The following ATL2 variants were observed in gnomAD, a reference collection of about 807,000 sequenced individuals.
ATL2 encodes atlastin-2.
ATL2 carries 31 observed loss-of-function variants against 73.9 expected under a neutral mutation model. That is an observed-to-expected ratio of 0.42 (90% CI 0.32 to 0.57). The LOEUF (loss-of-function observed/expected upper bound fraction) is 0.57. ATL2 is among the 20% of genes least tolerant of loss of function. The probability of loss-of-function intolerance (pLI) is 0.14; values close to 1 mark genes in which losing one functional copy is unlikely to be tolerated. For synonymous variants in ATL2, 291 were observed against 237.5 expected (o/e 1.23, Z -2.07); for missense variants, 738 against 702.6 (o/e 1.05, Z -0.57).
At chr2:38,312,572 G>A (rs914844094) in intron 7 of ATL2, among the ~76,000 whole-genome samples, 5 of 152,228 alleles carry the variant, frequency 3.3e-5, no homozygotes, top group South Asian at 4.1e-4. Context: ...TATGCCAGGC[G>A]TGGTGGCGGG....
chr2:38,371,266 G>A (rs977303810), intron 1 of ATL2, among the ~76,000 whole-genome samples: 1 of 151,266 alleles, frequency 6.6e-6, no homozygotes, highest in South Asian at 2.1e-4. Flanking sequence ...CCAACACTTG[G>A]GAGGCAGAGA....
intron 1 of ATL2, among the ~76,000 whole-genome samples, chr2:38,370,439 A>C: frequency 8.4e-6 from 1 of 119,758 alleles, no homozygotes; most frequent in African/African-American, 3.3e-5. Context: ...ACAGAGTGAG[A>C]CTCTGTCCCA....
At chr2:38,345,368 G>A (rs1573537833) in intron 1 of ATL2, among the ~76,000 whole-genome samples, 1 of 152,120 alleles carries the variant, frequency 6.6e-6, no homozygotes, top group African/African-American at 2.4e-5. Context: ...CTACATTAGT[G>A]GATTTTTAAT....
intron 2 of ATL2, among the ~76,000 whole-genome samples, chr2:38,319,867 G>A (rs1668224310): frequency 6.6e-6 from 1 of 152,028 alleles, no homozygotes; most frequent in African/African-American, 2.4e-5. Context: ...TAGCACTTTG[G>A]GAGGACGAGG....
intron 1 of ATL2, among the ~76,000 whole-genome samples, chr2:38,356,422 C>A (rs1165670520): frequency 1.3e-5 from 2 of 151,784 alleles, no homozygotes; most frequent in African/African-American, 4.8e-5. Context: ...CTCCTGGGCT[C>A]AAGTGATCCA....
intron 6 of ATL2, among the ~76,000 whole-genome samples, chr2:38,313,531 A>G (rs1042677979): frequency 6.6e-6 from 1 of 152,244 alleles, no homozygotes; most frequent in Non-Finnish European, 1.5e-5. Flanking sequence ...TGGGTGTATC[A>G]GGACACACGG....
intron 1 of ATL2, chr2:38,358,607 G>A (rs1670817900): frequency 3.7e-6 from 1 of 268,456 alleles, no homozygotes; most frequent in Non-Finnish European, 8.0e-6. Flanking sequence ...CCGGAGAATG[G>A]CGTGGACCCA....
At chr2:38,307,833 C>T (rs1461444673) in intron 9 of ATL2, among the ~76,000 whole-genome samples, 8 of 151,960 alleles carry the variant, frequency 5.3e-5, no homozygotes, top group Non-Finnish European at 7.4e-5. Flanking sequence ...CAAAAGGAGA[C>T]AAACAAATGG....
chr2:38,305,480 T>G (rs561111289), intron 9 of ATL2, among the ~76,000 whole-genome samples: 1 of 151,742 alleles, frequency 6.6e-6, no homozygotes, highest in Non-Finnish European at 1.5e-5. Flanking sequence ...ACCTGGGAGG[T>G]AGAGGTTGCA....
intron 2 of ATL2, among the ~76,000 whole-genome samples, chr2:38,337,594 A>G (rs748393686): frequency 1.0e-4 from 15 of 150,596 alleles, no homozygotes; most frequent in South Asian, 2.1e-4. Flanking sequence ...TATTATTGTA[A>G]TGTTCAAAAA....
At chr2:38,358,057 CT>C (rs1166653532) in intron 1 of ATL2, among the ~76,000 whole-genome samples, 1 of 152,148 alleles carries the variant, frequency 6.6e-6, no homozygotes, top group Non-Finnish European at 1.5e-5. Context: ...TTCAATAAAA[CT>C]GGGATTGAGC....
intron 8 of ATL2, 93 bp downstream of exon 8, chr2:38,310,216 A>T: frequency 7.2e-7 from 1 of 1,397,734 alleles, no homozygotes; most frequent in South Asian, 1.2e-5. Context: ...TCTCCAGTAT[A>T]AGACAGGACA....
chr2:38,330,065 G>A (rs1039607624), intron 2 of ATL2, among the ~76,000 whole-genome samples: 4 of 151,802 alleles, frequency 2.6e-5, no homozygotes, highest in African/African-American at 7.3e-5. Context: ...GGAAGCAGAG[G>A]TTGCAGTGAG....
chr2:38,332,533 G>T (rs1375650019), intron 2 of ATL2, among the ~76,000 whole-genome samples: 5 of 152,166 alleles, frequency 3.3e-5, no homozygotes, highest in Non-Finnish European at 7.3e-5. Context: ...ATTAATTGGG[G>T]TAATAGTTGC....
At chr2:38,352,253 G>T (rs1025199026) in intron 1 of ATL2, among the ~76,000 whole-genome samples, 1 of 151,800 alleles carries the variant, frequency 6.6e-6, no homozygotes, top group African/African-American at 2.4e-5. Flanking sequence ...CAGGTATTTG[G>T]GGGAGGGAGG....
At chr2:38,352,626 A>C (rs1670424134) in intron 1 of ATL2, among the ~76,000 whole-genome samples, 1 of 152,182 alleles carries the variant, frequency 6.6e-6, no homozygotes, top group South Asian at 2.1e-4. Flanking sequence ...TGCTTAACAG[A>C]AGGAAGCTAC....
At chr2:38,314,566 T>A (rs1242108622) in intron 6 of ATL2, 42 bp downstream of exon 6, 14 of 1,441,188 alleles carry the variant, frequency 9.7e-6, no homozygotes, top group Non-Finnish European at 1.2e-5. Flanking sequence ...CTTCACAACT[T>A]CTCATAGGCT....
intron 9 of ATL2, among the ~76,000 whole-genome samples, chr2:38,304,636 G>A (rs1251249250): frequency 2.0e-5 from 3 of 152,118 alleles, no homozygotes; most frequent in African/African-American, 7.2e-5. Flanking sequence ...ACAACGAAAA[G>A]TTTAAAAAGT....
At chr2:38,337,486 CAAAAAAAAA>C (rs755029194) in intron 2 of ATL2, among the ~76,000 whole-genome samples, 505 of 21,624 alleles carry the variant, frequency 0.023, 1 homozygote, top group South Asian at 0.063. Flanking sequence ...ACTCTGTCTC[CAAAAAAAAA>C]AAAAAAAAAA....
Sources: allele counts gnomAD v4.1 joint callset (sites outside exome capture counted in the v4.1 genomes callset), GRCh38; gene constraint gnomAD v4.1.1; transcripts MANE v1.5; gene names NCBI Gene and HGNC (gene_info 2026-07-23, HGNC 2026-07-21).